CCR2: variants seen among roughly 807,000 people sequenced by gnomAD.
CCR2 encodes the protein C-C motif chemokine receptor 2, also known as C-C chemokine receptor type 2.
For synonymous variants in CCR2, 183 were observed against 177.1 expected (o/e 1.03, Z -0.27); for missense variants, 408 against 440.0 (o/e 0.93, Z 0.65).
At chr3:46,356,366 C>T (rs1442298634) in intron 1 of CCR2, among the ~76,000 whole-genome samples, 2 of 151,918 alleles carry the variant, frequency 1.3e-5, no homozygotes, top group African/African-American at 4.8e-5. Context: ...GGTGTGGGCA[C>T]GGGGAGGAGA....
chr3:46,355,373 G>A (rs930044804), intron 1 of CCR2, among the ~76,000 whole-genome samples: 8 of 152,160 alleles, frequency 5.3e-5, no homozygotes, highest in African/African-American at 1.7e-4. Flanking sequence ...GTGAGTTTAG[G>A]GAAAATGAAG....
At chr3:46,354,495 G>T (rs184518086) in intron 1 of CCR2, among the ~76,000 whole-genome samples, 1 of 152,188 alleles carries the variant, frequency 6.6e-6, no homozygotes, top group African/African-American at 2.4e-5. Flanking sequence ...ACGTTAAAGA[G>T]CTGGAACTGT....
At position 46,357,874 on chromosome 3, in the gene CCR2, T is replaced by C; in HGVS notation, c.347T>C (p.Phe116Ser). 1 of 1,614,228 alleles carries C rather than the reference T, an allele frequency of 6.2e-7. No homozygotes were observed. Among genetic ancestry groups the C allele is most frequent in the Non-Finnish European group, 8.5e-7 (1 of 1,180,022 alleles). ...TTTGGGAATGCAATGTGCAAATTATTCACAGGGCTGTATCACATCGGTTAT... is the reference window on the plus strand; with the variant it reads ...TTTGGGAATGCAATGTGCAAATTATCCACAGGGCTGTATCACATCGGTTAT... The part of the protein sequence containing the change: ...WVFGNAMCKL[F>S]TGLYHIGYFG... Residue 116 changes from phenylalanine (F) to serine (S), a missense_variant, in exon 2 of 2, where the codon TTC (phenylalanine) becomes TCC (serine). Phe to Ser is a radical substitution (Grantham distance 155, BLOSUM62 -2). Coordinates refer to ENST00000445132, the MANE Select transcript of CCR2 (RefSeq NM_001123396.4).
rs1367982673 is a variant in CCR2, at chr3:46,359,761, T to C, written c.*1151T>C. On this transcript the variant is annotated 3_prime_UTR_variant, in exon 2 of 2. Coordinates refer to ENST00000445132, the MANE Select transcript of CCR2 (RefSeq NM_001123396.4). ...GTCCAGGAGTGAGACCAGGAAAGAA[T>C]GTGAAAGTGACTACACAAGGACTCC... The C allele has an allele frequency of 6.2e-6, 10 of 1,614,112 alleles. No homozygotes were observed. Among genetic ancestry groups the C allele is most frequent in the Non-Finnish European group, 8.5e-6 (10 of 1,180,002 alleles).
intron 1 of CCR2, 61 bp from the exon 2 acceptor site, chr3:46,357,416 T>C (rs1406968962): frequency 4.2e-6 from 5 of 1,186,092 alleles, no homozygotes; most frequent in Non-Finnish European, 6.0e-6. Flanking sequence ...CCAGACTATT[T>C]GGAAGATCAT....
In CCR2 at chr3:46,357,588, AC is replaced by A; in HGVS notation, c.63del (p.Thr22ProfsTer16). ...RNTNESGEEV[T>X]TFFDYDYGAP... ...TACCAACGAGAGCGGTGAAGAAGTC[AC>A]CACCTTTTTTGATTATGATTACGGT... On this transcript the variant is annotated frameshift_variant, in exon 2 of 2. Coordinates refer to ENST00000445132, the MANE Select transcript of CCR2 (RefSeq NM_001123396.4). LOFTEE classifies it low-confidence loss of function (END_TRUNC). 1 of 1,614,064 alleles carries A rather than the reference AC, an allele frequency of 6.2e-7. No individual in the cohort carries two copies. Among genetic ancestry groups the A allele is most frequent in the Non-Finnish European group, 8.5e-7 (1 of 1,179,980 alleles).
In CCR2 at chr3:46,357,585, G is replaced by T; in HGVS notation, c.58G>T (p.Val20Phe). ...IRNTNESGEE[V>F]TTFFDYDYGA... ...AAATACCAACGAGAGCGGTGAAGAAGTCACCACCTTTTTTGATTATGATTA... is the reference window on the plus strand; with the variant it reads ...AAATACCAACGAGAGCGGTGAAGAATTCACCACCTTTTTTGATTATGATTA... The change falls in exon 2 of 2, where the codon GTC becomes TTC. Residue 20 changes from valine to phenylalanine, a missense_variant. Physicochemically the swap from Val to Phe is conservative, Grantham distance 50. Transcript: ENST00000445132. 1.2e-6 allele frequency: 2 copies of T among 1,614,076 alleles called. No homozygotes were observed. The highest frequency in any genetic ancestry group is 1.7e-6 in the Non-Finnish European group (2 of 1,179,970).
Position 46,358,289 on chromosome 3 carries a change from C to T in CCR2, c.762C>T (p.Leu254=). 1 of 1,614,172 alleles carries T rather than the reference C, an allele frequency of 6.2e-7. No individual in the cohort carries two copies. The highest frequency in any genetic ancestry group is 8.5e-7 in the Non-Finnish European group (1 of 1,180,026). Residue 254 remains leucine, a synonymous_variant, in exon 2 of 2, where the codon CTC becomes CTT. Transcript: ENST00000445132. The part of the protein sequence containing the change: ...VIFTIMIVYF[L]FWTPYNIVIL... ...TCACCATCATGATTGTTTACTTTCTCTTCTGGACTCCCTATAATATTGTCA... is the reference window on the plus strand; with the variant it reads ...TCACCATCATGATTGTTTACTTTCTTTTCTGGACTCCCTATAATATTGTCA...
chr3:46,358,854 G>C lies in CCR2; in HGVS notation c.*244G>C. On this transcript the variant is annotated 3_prime_UTR_variant, in exon 2 of 2. Coordinates refer to ENST00000445132, the MANE Select transcript of CCR2 (RefSeq NM_001123396.4). ...AAGCTCATCTCAGCTCCTGAAAAAT[G>C]CCTCATTACCTTGTGCTAATCCTCT... 7.8e-7 allele frequency: 1 copy of C among 1,274,644 alleles called. No individual in the cohort carries two copies. The highest frequency in any genetic ancestry group is 1.0e-6 in the Non-Finnish European group (1 of 999,328). 79.0% of individuals were successfully genotyped at this position (1,274,644 alleles called of 1,614,324 possible). A position where few individuals can be genotyped will look rare whatever the true frequency, so the allele number is the denominator to read the frequency against.
In CCR2 at chr3:46,359,644, GC is replaced by G. The variant is rs1213937968; in HGVS notation, c.*1036del. ...TTTTGTGCTTGCTTTTCCCTGCCTTGCCACTCCCCTCACTCTTCTCTTTTCC... is the reference window on the plus strand; with the variant it reads ...TTTTGTGCTTGCTTTTCCCTGCCTTGCACTCCCCTCACTCTTCTCTTTTCC... On this transcript the variant is annotated 3_prime_UTR_variant, in exon 2 of 2. Transcript: ENST00000445132. The G allele has an allele frequency of 1.8e-5, 28 of 1,587,652 alleles. No individual in the cohort carries two copies. The highest frequency in any genetic ancestry group is 3.7e-5 in the Admixed American group (2 of 53,724).
In CCR2 at chr3:46,359,034, A is replaced by C; in HGVS notation, c.*424A>C. 1 of 1,023,074 alleles carries C rather than the reference A, an allele frequency of 9.8e-7. No individual in the cohort carries two copies. The highest frequency in any genetic ancestry group is 1.2e-6 in the Non-Finnish European group (1 of 843,320). 63.4% of individuals were successfully genotyped at this position (1,023,074 alleles called of 1,614,324 possible). A position where few individuals can be genotyped will look rare whatever the true frequency, so the allele number is the denominator to read the frequency against. The stretch of plus-strand genomic sequence containing the variant: ...GGGCTGAGAGGAGAAGGAGGGAGAC[A>C]TGAGCATGGCTGAGCCTGGACAAAG... On this transcript the variant is annotated 3_prime_UTR_variant, in exon 2 of 2. Coordinates refer to ENST00000445132, the MANE Select transcript of CCR2 (RefSeq NM_001123396.4).
At chr3:46,354,799 CCA>C (rs1430355076) in intron 1 of CCR2, 1 of 152,194 alleles carries the variant, frequency 6.6e-6, no homozygotes, top group Non-Finnish European at 1.5e-5. Context: ...CAATTAATGA[CCA>C]CAGTTGTGAT....
rs946714547 is a variant in CCR2 at position 46,358,450 on chromosome 3, T to C, written c.923T>C (p.Val308Ala). 10 of 1,613,754 alleles carry C rather than the reference T, an allele frequency of 6.2e-6. No individual in the cohort carries two copies. The highest frequency in any genetic ancestry group is 2.2e-5 in the East Asian group (1 of 44,868). The change falls in exon 2 of 2, where the codon GTT becomes GCT. Residue 308 changes from valine (V) to alanine (A), a missense_variant. Coordinates refer to ENST00000445132, the MANE Select transcript of CCR2 (RefSeq NM_001123396.4). ...ATCAATCCCATCATCTATGCCTTCG[T>C]TGGGGAGAAGTTCAGAAGGTATCTC... Reference protein sequence around the residue: ...CCINPIIYAFVGEKFRRYLSV... With the variant: ...CCINPIIYAFAGEKFRRYLSV...
At position 46,358,960 on chromosome 3, in the gene CCR2, A is replaced by G; in HGVS notation, c.*350A>G. 3.7e-6 allele frequency: 4 copies of G among 1,075,894 alleles called. No homozygotes were observed. Among genetic ancestry groups the G allele is most frequent in the Non-Finnish European group, 4.6e-6 (4 of 875,980 alleles). The allele number at this position is 1,075,894 out of a possible 1,614,324, so 66.6% of individuals were successfully genotyped here. Reference sequence around the variant, plus strand: ...ATCAAGGGCCAGCTGGAGGTGAAGAAGAGAATGTGACAGGCACAGATGAAT... The same window carrying G: ...ATCAAGGGCCAGCTGGAGGTGAAGAGGAGAATGTGACAGGCACAGATGAAT... On this transcript the variant is annotated 3_prime_UTR_variant, in exon 2 of 2. Coordinates refer to ENST00000445132, the MANE Select transcript of CCR2 (RefSeq NM_001123396.4).
Position 46,357,521 on chromosome 3 carries a change from C to CCACAAA in CCR2, c.-2_-1insACACAA. 6.2e-7 allele frequency: 1 copy of CCACAAA among 1,611,564 alleles called. No individual in the cohort carries two copies. Among genetic ancestry groups the CCACAAA allele is most frequent in the South Asian group, 1.1e-5 (1 of 90,974 alleles). ...ACAAGGACGCATTTCCCCAGTACAT[C>CCACAAA]CACAACATGCTGTCCACATCTCGTT... is the stretch of plus-strand genomic sequence containing the variant. On this transcript the variant is annotated 5_prime_UTR_variant, in exon 2 of 2. Transcript: ENST00000445132.
chr3:46,359,963 C>A lies in CCR2; in HGVS notation c.*1353C>A. The A allele has an allele frequency of 1.7e-6, 2 of 1,152,044 alleles. No homozygotes were observed. The highest frequency in any genetic ancestry group is 2.5e-6 in the Non-Finnish European group (2 of 808,432). 71.4% of individuals were successfully genotyped at this position (1,152,044 alleles called of 1,614,324 possible). A position where few individuals can be genotyped will look rare whatever the true frequency, so the allele number is the denominator to read the frequency against. The stretch of plus-strand genomic sequence containing the variant: ...GTGTCTACGTTACCAGGCAGGAAGG[C>A]TGAGAGGAGAGAGACTCCAGCTGGG... On this transcript the variant is annotated 3_prime_UTR_variant, in exon 2 of 2. Transcript: ENST00000445132.
Position 46,357,519 on chromosome 3 carries a change from A to G in CCR2, c.-9A>G. ...GAACAAGGACGCATTTCCCCAGTAC[A>G]TCCACAACATGCTGTCCACATCTCG... On this transcript the variant is annotated 5_prime_UTR_variant, in exon 2 of 2. Transcript: ENST00000445132. 6.2e-7 allele frequency: 1 copy of G among 1,611,652 alleles called. No homozygotes were observed. Among genetic ancestry groups the G allele is most frequent in the Non-Finnish European group, 8.5e-7 (1 of 1,178,034 alleles).
rs1314264145 is a variant in CCR2 at position 46,359,675 on chromosome 3, A to G, written c.*1065A>G. ...CCCCTCACTCTTCTCTTTTCCCCAC[A>G]GCCTTTTTCACATAGCTCTTGGCTG... On this transcript the variant is annotated 3_prime_UTR_variant, in exon 2 of 2. Coordinates refer to ENST00000445132, the MANE Select transcript of CCR2 (RefSeq NM_001123396.4). The G allele has an allele frequency of 1.2e-6, 2 of 1,606,356 alleles. No individual in the cohort carries two copies. The highest frequency in any genetic ancestry group is 2.7e-5 in the African/African-American group (2 of 74,228).
chr3:46,358,624 T>A lies in CCR2; in HGVS notation c.*14T>A, dbSNP rs1343205316. 1 of 1,553,450 alleles carries A rather than the reference T, an allele frequency of 6.4e-7. No homozygotes were observed. Among genetic ancestry groups the A allele is most frequent in the Non-Finnish European group, 8.7e-7 (1 of 1,147,150 alleles). ...GCTGGTTTATAAAACGAGGAGCAGT[T>A]TGATTGTTGTTTATAAAGGGAGATA... On this transcript the variant is annotated 3_prime_UTR_variant, in exon 2 of 2. Coordinates refer to ENST00000445132, the MANE Select transcript of CCR2 (RefSeq NM_001123396.4).
Sources: gnomAD v4.1 joint callset for allele counts (sites outside exome capture counted in the v4.1 genomes callset) on GRCh38, gnomAD v4.1.1 for gene constraint, MANE v1.5 for transcripts, NCBI Gene and HGNC (gene_info 2026-07-23, HGNC 2026-07-21) for gene names.